Variants in PLCH1 observed in about 807,000 individuals in gnomAD.
PLCH1 encodes the protein 1-phosphatidylinositol 4,5-bisphosphate phosphodiesterase eta-1.
In PLCH1, 60 loss-of-function variants were observed where a neutral mutation model predicts 126.7. That is an observed-to-expected ratio of 0.47 (90% CI 0.38 to 0.59). The LOEUF is 0.59. PLCH1 is among the 20% of genes least tolerant of loss of function. PLCH1 has a pLI of 0.00. For missense variants in PLCH1, 1,723 were observed against 2,040.0 expected (o/e 0.84, Z 2.99); for synonymous variants, 719 against 734.9 (o/e 0.98, Z 0.35).
intron 2 of PLCH1, chr3:155,658,125 C>T (rs184618266): frequency 1.7e-4 from 36 of 217,372 alleles, no homozygotes; most frequent in Admixed American, 2.9e-4. Flanking sequence ...ATTATCCTAC[C>T]GAAGATGTGC....
intron 2 of PLCH1, among the ~76,000 whole-genome samples, chr3:155,662,422 C>A (rs1020329512): frequency 1.3e-5 from 2 of 151,830 alleles, no homozygotes; most frequent in African/African-American, 4.8e-5. Context: ...GAGCTATAAT[C>A]GCACCACTGC....
chr3:155,454,295 A>C (rs2107966929), intron 21 of PLCH1, among the ~76,000 whole-genome samples: 1 of 152,142 alleles, frequency 6.6e-6, no homozygotes. Flanking sequence ...ATCTAATGAA[A>C]GTTTTTCAGC....
chr3:155,574,514 C>T (rs144615241), intron 6 of PLCH1, among the ~76,000 whole-genome samples: 66 of 152,288 alleles, frequency 4.3e-4, no homozygotes, highest in African/African-American at 1.3e-3. Context: ...AATTTTGTTG[C>T]TCCTCTCCTG....
chr3:155,457,173 A>T (rs1375581847), intron 21 of PLCH1: 2 of 152,486 alleles, frequency 1.3e-5, no homozygotes, highest in Non-Finnish European at 2.9e-5. Flanking sequence ...CTGCTGGGGA[A>T]AAAGAGTGAT....
chr3:155,732,530 A>G (rs1041423367), intron 1 of PLCH1, among the ~76,000 whole-genome samples: 1 of 152,018 alleles, frequency 6.6e-6, no homozygotes, highest in Non-Finnish European at 1.5e-5. Flanking sequence ...AAAAAAAAAA[A>G]AAAGAACTAA....
intron 7 of PLCH1, among the ~76,000 whole-genome samples, chr3:155,565,424 T>G (rs1236176041): frequency 6.6e-6 from 1 of 152,078 alleles, no homozygotes; most frequent in Non-Finnish European, 1.5e-5. Context: ...CAGTAGCGCA[T>G]GAGTTCTCCT....
rs1448910773 is a variant in PLCH1 at position 155,653,692 on chromosome 3, T to C, written c.79+50454A>G. ...CAAATCTCCAATATCCTTCCCACTCTTCACTGATAACTTTGCTTCTAATTT... is the reference window on the plus strand; with the variant it reads ...CAAATCTCCAATATCCTTCCCACTCCTCACTGATAACTTTGCTTCTAATTT... On this transcript the variant is annotated intron_variant, in intron 2 of 22. Coordinates refer to ENST00000460012, the MANE Select transcript of PLCH1 (RefSeq NM_014996.4). Among the ~76,000 whole-genome samples, 5 of 152,154 alleles carry C rather than the reference T, an allele frequency of 3.3e-5. No individual in the cohort carries two copies. The East Asian group carries it at 9.6e-4, about 29-fold the overall frequency.
At chr3:155,455,591 T>C (rs1456459319) in intron 21 of PLCH1, among the ~76,000 whole-genome samples, 2 of 152,130 alleles carry the variant, frequency 1.3e-5, no homozygotes, top group Non-Finnish European at 2.9e-5. Flanking sequence ...ATTTGAGAAA[T>C]ATTGGTTCTG....
chr3:155,608,248 G>A (rs1208730255), intron 2 of PLCH1, among the ~76,000 whole-genome samples: 2 of 152,168 alleles, frequency 1.3e-5, no homozygotes, highest in Non-Finnish European at 2.9e-5. Flanking sequence ...GACTAGGGAG[G>A]GGGTCACAAG....
intron 2 of PLCH1, among the ~76,000 whole-genome samples, chr3:155,603,733 A>G (rs1734030508): frequency 6.6e-6 from 1 of 152,194 alleles, no homozygotes; most frequent in African/African-American, 2.4e-5. Flanking sequence ...AATAATTTTA[A>G]AGAAAGAAAC....
At chr3:155,543,807 G>A (rs1166119083) in intron 10 of PLCH1, among the ~76,000 whole-genome samples, 1 of 150,822 alleles carries the variant, frequency 6.6e-6, no homozygotes, top group African/African-American at 2.4e-5. Flanking sequence ...AAGTGAAGGA[G>A]AAATAAAATA....
At chr3:155,619,049 G>A (rs79835295) in intron 2 of PLCH1, among the ~76,000 whole-genome samples, 2,572 of 148,526 alleles carry the variant, frequency 0.017, 29 homozygotes, top group South Asian at 0.029. Context: ...CCTTATATTT[G>A]GGCAAAAGCT....
At chr3:155,489,428 A>T (rs1490923767) in intron 19 of PLCH1, among the ~76,000 whole-genome samples, 1 of 152,208 alleles carries the variant, frequency 6.6e-6, no homozygotes, top group Non-Finnish European at 1.5e-5. Context: ...AAAACTGTAC[A>T]AGTAACACTC....
rs570341422 is a variant in PLCH1, at chr3:155,697,914, A to C, written c.79+6232T>G. 5.9e-5 allele frequency among the ~76,000 whole-genome samples: 9 copies of C among 152,278 alleles called. No homozygotes were observed. In the East Asian group the frequency reaches 1.7e-3, roughly 29 times the overall value. On this transcript the variant is annotated intron_variant, in intron 2 of 22. Coordinates refer to ENST00000460012, the MANE Select transcript of PLCH1 (RefSeq NM_014996.4). ...CATACAACAGGGACATGTGAGACAA[A>C]AAGCCTTTGCTCTCTCTTCTTTGTA...
chr3:155,651,175 A>G (rs991835956), intron 2 of PLCH1, among the ~76,000 whole-genome samples: 40 of 152,356 alleles, frequency 2.6e-4, no homozygotes, highest in African/African-American at 9.4e-4. Context: ...ATTTATCAAA[A>G]TTTCAAATGT....
chr3:155,616,522 T>C (rs973405294), intron 2 of PLCH1, among the ~76,000 whole-genome samples: 1 of 152,222 alleles, frequency 6.6e-6, no homozygotes, highest in Non-Finnish European at 1.5e-5. Context: ...TAAAAGGTTA[T>C]AAAAGGTTTA....
intron 21 of PLCH1, among the ~76,000 whole-genome samples, chr3:155,473,241 C>T (rs1197659249): frequency 2.0e-5 from 3 of 150,998 alleles, no homozygotes; most frequent in Non-Finnish European, 4.5e-5. Flanking sequence ...TCTCAGGATA[C>T]AAAATCAATG....
At chr3:155,737,395 G>T (rs960766643) in intron 1 of PLCH1, among the ~76,000 whole-genome samples, 2 of 151,614 alleles carry the variant, frequency 1.3e-5, no homozygotes, top group Non-Finnish European at 2.9e-5. Flanking sequence ...GCAGTGGCAG[G>T]ATCACAGCTC....
At chr3:155,597,698 G>C (rs531430450) in intron 2 of PLCH1, among the ~76,000 whole-genome samples, 1 of 152,082 alleles carries the variant, frequency 6.6e-6, no homozygotes, top group Non-Finnish European at 1.5e-5. Flanking sequence ...TGCATAGGGT[G>C]CCTATTAAAG....
Sources: allele counts gnomAD v4.1 joint callset (sites outside exome capture counted in the v4.1 genomes callset), GRCh38; gene constraint gnomAD v4.1.1; transcripts MANE v1.5; gene names NCBI Gene and HGNC (gene_info 2026-07-23, HGNC 2026-07-21).